LUZP2: variants seen among roughly 807,000 people sequenced by gnomAD.
LUZP2 encodes the protein leucine zipper protein 2.
LUZP2 carries 52 observed loss-of-function variants against 51.6 expected under a neutral mutation model. The ratio of observed to expected loss-of-function variants is 1.01; its 90% CI spans 0.81 to 1.27. The LOEUF (loss-of-function observed/expected upper bound fraction) is 1.27, where lower values mean the gene tolerates loss of function less well. LUZP2 is among the 50% of genes most tolerant of loss of function. The pLI is 0.00. For synonymous variants in LUZP2, 154 were observed against 137.3 expected (o/e 1.12, Z -0.85); for missense variants, 436 against 395.4 (o/e 1.10, Z -0.87).
chr11:24,607,219 A>G (rs1853953267), intron 1 of LUZP2, among the ~76,000 whole-genome samples: 1 of 151,668 alleles, frequency 6.6e-6, no homozygotes, highest in African/African-American at 2.4e-5. Context: ...TGTCAAAAAC[A>G]ATGTTAAGTA....
At chr11:24,760,109 G>C (rs1302748472) in intron 4 of LUZP2, among the ~76,000 whole-genome samples, 3 of 152,084 alleles carry the variant, frequency 2.0e-5, no homozygotes, top group South Asian at 2.1e-4. Flanking sequence ...TTTTGTGATC[G>C]GCAATTGGCA....
intron 5 of LUZP2, among the ~76,000 whole-genome samples, chr11:24,860,931 A>G (rs529528007): frequency 6.6e-6 from 1 of 152,330 alleles, no homozygotes; most frequent in African/African-American, 2.4e-5. Context: ...TTTGCCATCA[A>G]GGGTGCAGAA....
intron 5 of LUZP2, among the ~76,000 whole-genome samples, chr11:24,787,828 A>G (rs967517867): frequency 3.9e-5 from 6 of 152,202 alleles, no homozygotes; most frequent in Non-Finnish European, 7.3e-5. Flanking sequence ...TAGTTACACA[A>G]TGTTGACCTA....
In LUZP2 at chr11:25,061,475, C is replaced by G. The variant is rs1208545019; in HGVS notation, c.858+11345C>G. On this transcript the variant is annotated intron_variant, in intron 10 of 11. Coordinates refer to ENST00000336930, the MANE Select transcript of LUZP2 (RefSeq NM_001009909.4). ...CTTATCCCACTTTATAATTTACAGA[C>G]CCAGCTGTGTTTCTCCTTAGATCTC... 2.0e-5 allele frequency among the ~76,000 whole-genome samples: 3 copies of G among 152,236 alleles called. No individual in the cohort carries two copies. The South Asian group carries it at 6.2e-4, about 32-fold the overall frequency.
At position 24,503,903 on chromosome 11, in the gene LUZP2, AATC is replaced by A. The variant is rs560292862; in HGVS notation, c.62+6604_62+6606del. On this transcript the variant is annotated intron_variant, in intron 1 of 11. Coordinates refer to ENST00000336930, the MANE Select transcript of LUZP2 (RefSeq NM_001009909.4). Reference sequence around the variant, plus strand: ...AAAAACAAATTGTTGCACCACATGTAATCATCATAGAACAACAGGCCGTAAGAC... The same window carrying A: ...AAAAACAAATTGTTGCACCACATGTAATCATAGAACAACAGGCCGTAAGAC... Among the ~76,000 whole-genome samples the A allele has an allele frequency of 2.3e-3, 353 of 152,308 alleles. 1 individual carries two copies. Among genetic ancestry groups the A allele is most frequent in the Non-Finnish European group, 4.0e-3 (273 of 68,014 alleles).
At chr11:24,970,101 G>A (rs116884600) in intron 7 of LUZP2, among the ~76,000 whole-genome samples, 2,501 of 152,200 alleles carry the variant, frequency 0.016, 38 homozygotes, top group South Asian at 0.083. Flanking sequence ...TGCATCTTCT[G>A]TGTCTCTGGT....
rs368755224 is a variant in LUZP2 at position 24,497,277 on chromosome 11, C to T, written c.34C>T (p.Leu12Phe). The T allele has an allele frequency of 1.3e-6, 2 of 1,567,416 alleles. No homozygotes were observed. Among genetic ancestry groups the T allele is most frequent in the Non-Finnish European group, 1.7e-6 (2 of 1,155,306 alleles). The change falls in exon 1 of 12, where the codon CTC becomes TTC. Residue 12 changes from leucine to phenylalanine, a missense_variant. By Grantham distance (22) the Leu-to-Phe change is conservative. Transcript: ENST00000336930. ...CAGCCCAGCGCACTACCTGCTGCCT[C>T]TCCTGCCTGCGCTGGTCCTCAGCAC... is the stretch of plus-strand genomic sequence containing the variant. ...KFSPAHYLLP[L>F]LPALVLSTRQ...
At chr11:24,814,317 G>A (rs1202175019) in intron 5 of LUZP2, among the ~76,000 whole-genome samples, 2 of 122,082 alleles carry the variant, frequency 1.6e-5, no homozygotes, top group African/African-American at 3.1e-5. Flanking sequence ...AACATAAGAA[G>A]TACTTCATGG....
chr11:24,818,256 A>G (rs565211317), intron 5 of LUZP2, among the ~76,000 whole-genome samples: 1 of 152,228 alleles, frequency 6.6e-6, no homozygotes, highest in Admixed American at 6.5e-5. Context: ...GCAAGACAAC[A>G]AACGTGGTTT....
chr11:24,850,876 G>T (rs1590637467), intron 5 of LUZP2, among the ~76,000 whole-genome samples: 1 of 152,094 alleles, frequency 6.6e-6, no homozygotes, highest in East Asian at 1.9e-4. Context: ...TAATCTCTTT[G>T]TAGTAATTGT....
At chr11:24,960,325 G>A (rs1243716499) in intron 7 of LUZP2, among the ~76,000 whole-genome samples, 1 of 152,166 alleles carries the variant, frequency 6.6e-6, no homozygotes, top group Non-Finnish European at 1.5e-5. Context: ...AGAAGGAATG[G>A]TACCAGTTCC....
intron 7 of LUZP2, among the ~76,000 whole-genome samples, chr11:24,966,632 ATATAT>A (rs988776821): frequency 2.4e-4 from 36 of 148,254 alleles, no homozygotes; most frequent in Admixed American, 1.4e-3. Context: ...ATAATGGCTG[ATATAT>A]TATATATAAG....
intron 1 of LUZP2, among the ~76,000 whole-genome samples, chr11:24,681,277 G>A (rs966537580): frequency 5.9e-5 from 9 of 152,060 alleles, no homozygotes; most frequent in Admixed American, 2.6e-4. Context: ...CACCGCGCCC[G>A]GCCTAATTTC....
chr11:25,058,849 A>G (rs1858758079), intron 10 of LUZP2, among the ~76,000 whole-genome samples: 1 of 152,204 alleles, frequency 6.6e-6, no homozygotes, highest in Non-Finnish European at 1.5e-5. Flanking sequence ...TCAGTTTCTT[A>G]ACTTATAAAT....
chr11:24,595,137 A>G (rs1027018848), intron 1 of LUZP2, among the ~76,000 whole-genome samples: 6 of 149,730 alleles, frequency 4.0e-5, no homozygotes, highest in African/African-American at 1.2e-4. Flanking sequence ...CACAGAGGCA[A>G]TTTTAATCTT....
chr11:24,812,651 C>A (rs984889644), intron 5 of LUZP2, among the ~76,000 whole-genome samples: 1 of 152,184 alleles, frequency 6.6e-6, no homozygotes, highest in Non-Finnish European at 1.5e-5. Flanking sequence ...AAAATAGATT[C>A]TTCCTGTGAG....
chr11:25,012,483 T>C (rs149128970), intron 9 of LUZP2, among the ~76,000 whole-genome samples: 1 of 152,310 alleles, frequency 6.6e-6, no homozygotes, highest in South Asian at 2.1e-4. Flanking sequence ...TTTACTTCCT[T>C]CTTTGCCCTT....
rs1027594642 is a variant in LUZP2, at chr11:24,763,014, A to T, written c.334-232A>T. 7 of 622,572 alleles carry T rather than the reference A, an allele frequency of 1.1e-5. No homozygotes were observed. The African/African-American group carries it at 1.5e-4, about 13-fold the overall frequency. 38.6% of individuals were successfully genotyped at this position (622,572 alleles called of 1,614,324 possible). A position where few individuals can be genotyped will look rare whatever the true frequency, so the allele number is the denominator to read the frequency against. On this transcript the variant is annotated intron_variant, in intron 4 of 11. Transcript: ENST00000336930. ...CATAAAGTGTAGGGTTTCTCAATTTAAAAAAAAAATAATAAATAGTTTGTT... is the reference window on the plus strand; with the variant it reads ...CATAAAGTGTAGGGTTTCTCAATTTTAAAAAAAAATAATAAATAGTTTGTT...
chr11:24,984,766 A>G (rs945816491), intron 9 of LUZP2, among the ~76,000 whole-genome samples: 1 of 151,032 alleles, frequency 6.6e-6, no homozygotes, highest in African/African-American at 2.4e-5. Flanking sequence ...CCCTTTCATC[A>G]TTACCCTTTA....
Sources: gnomAD v4.1 joint callset for allele counts (sites outside exome capture counted in the v4.1 genomes callset) on GRCh38, gnomAD v4.1.1 for gene constraint, MANE v1.5 for transcripts, NCBI Gene and HGNC (gene_info 2026-07-23, HGNC 2026-07-21) for gene names.